Variants in UTP25 observed in about 807,000 individuals in gnomAD.
UTP25 encodes U3 small nucleolar RNA-associated protein 25 homolog.
In UTP25, 50 loss-of-function variants were observed where a neutral mutation model predicts 78.9. The ratio of observed to expected loss-of-function variants is 0.63; its 90% CI spans 0.50 to 0.80. UTP25 has a LOEUF of 0.80. Among genes scored for constraint, UTP25 ranks in the 30% least tolerant of loss-of-function variants. The pLI is 0.00. For synonymous variants in UTP25, 329 were observed against 336.5 expected (o/e 0.98, Z 0.24); for missense variants, 846 against 911.3 (o/e 0.93, Z 0.92).
chr1:209,833,311 T>C lies in UTP25; in HGVS notation c.515T>C (p.Phe172Ser). 1 of 1,594,544 alleles carries C rather than the reference T, an allele frequency of 6.3e-7. No homozygotes were observed. Among genetic ancestry groups the C allele is most frequent in the Non-Finnish European group, 8.5e-7 (1 of 1,173,218 alleles). The change falls in exon 4 of 12, where the codon TTT becomes TCT. Residue 172 changes from phenylalanine to serine, a missense_variant. Phe to Ser is a radical substitution (Grantham distance 155). Transcript: ENST00000491415. Reference protein sequence around the residue: ...HESLFSLETNFLEEESGDNSS... With the variant: ...HESLFSLETNSLEEESGDNSS... Reference sequence around the variant, plus strand: ...TCACTGTTCAGCCTGGAAACCAATTTTCTGGAAGAGGAAAGTGGAGACAAC... The same window carrying C: ...TCACTGTTCAGCCTGGAAACCAATTCTCTGGAAGAGGAAAGTGGAGACAAC...
chr1:209,837,067 CCG>C lies in UTP25; in HGVS notation c.920_921del (p.Arg307ProfsTer23). 6.2e-7 allele frequency: 1 copy of C among 1,614,146 alleles called. No individual in the cohort carries two copies. Among genetic ancestry groups the C allele is most frequent in the Non-Finnish European group, 8.5e-7 (1 of 1,180,008 alleles). ...RTALKNGEEI[R>X]HVYCLHVINH... is the part of the protein sequence containing the mutation. Reference sequence around the variant, plus strand: ...CTGCTCTGAAGAACGGGGAAGAGATCCGCCATGTGTATTGCCTGCATGTGATA... The same window carrying C: ...CTGCTCTGAAGAACGGGGAAGAGATCCCATGTGTATTGCCTGCATGTGATA... On this transcript the variant is annotated frameshift_variant, in exon 6 of 12. Coordinates refer to ENST00000491415, the MANE Select transcript of UTP25 (RefSeq NM_014388.7). LOFTEE classifies it high-confidence loss of function.
chr1:209,833,437 T>C, intron 4 of UTP25, 79 bp downstream of exon 4: 1 of 1,256,360 alleles, frequency 8.0e-7, no homozygotes, highest in South Asian at 1.8e-5. Flanking sequence ...TTGAATCTAT[T>C]ATTGGAACAA....
intron 6 of UTP25, among the ~76,000 whole-genome samples, chr1:209,838,386 A>T (rs1431597557): frequency 1.0e-5 from 1 of 97,482 alleles, no homozygotes; most frequent in African/African-American, 4.2e-5. Context: ...GAAATGCTTT[A>T]TTGTCATTTC....
intron 4 of UTP25, among the ~76,000 whole-genome samples, chr1:209,834,732 T>C (rs549121781): frequency 1.9e-4 from 29 of 152,220 alleles, no homozygotes; most frequent in Non-Finnish European, 3.2e-4. Context: ...GAATTTTTAG[T>C]TGAAGGAAGG....
chr1:209,839,150 T>G (rs781329876), intron 7 of UTP25, 22 bp downstream of exon 7: 1 of 1,586,330 alleles, frequency 6.3e-7, no homozygotes. Flanking sequence ...TTATCAACTT[T>G]GAGACCTAAA....
rs1439045925 is a variant in UTP25 at position 209,847,653 on chromosome 1, T to C, written c.2028-3551T>C. On this transcript the variant is annotated intron_variant, in intron 11 of 11. Coordinates refer to ENST00000491415, the MANE Select transcript of UTP25 (RefSeq NM_014388.7). ...GCCAAAAAGGATTCAGTAAGGATCATATATAGCATTTGGTTAACTTACTGC... is the reference window on the plus strand; with the variant it reads ...GCCAAAAAGGATTCAGTAAGGATCACATATAGCATTTGGTTAACTTACTGC... Among the ~76,000 whole-genome samples the C allele has an allele frequency of 3.3e-5, 5 of 152,370 alleles. No homozygotes were observed. The South Asian group carries it at 6.2e-4, about 19-fold the overall frequency.
At position 209,836,961 on chromosome 1, in the gene UTP25, C is replaced by A; in HGVS notation, c.812C>A (p.Ser271Ter). 1 of 1,614,164 alleles carries A rather than the reference C, an allele frequency of 6.2e-7. No individual in the cohort carries two copies. Among genetic ancestry groups the A allele is most frequent in the Admixed American group, 1.7e-5 (1 of 60,018 alleles). Residue 271 changes from serine (S) to a stop codon, truncating the protein, a stop_gained, in exon 6 of 12, where the codon TCA becomes TAA. Transcript: ENST00000491415. LOFTEE classifies it high-confidence loss of function. The part of the protein sequence containing the change: ...NSQFLSGPQK[S>*]SSPFTPLQKE... ...CAGTTCCTATCTGGTCCCCAAAAAT[C>A]AAGCAGCCCATTCACCCCCCTCCAG... is the stretch of plus-strand genomic sequence containing the variant.
Position 209,843,497 on chromosome 1 carries a change from G to C in UTP25, c.1828G>C (p.Val610Leu). 6.2e-7 allele frequency: 1 copy of C among 1,614,172 alleles called. No individual in the cohort carries two copies. Among genetic ancestry groups the C allele is most frequent in the Non-Finnish European group, 8.5e-7 (1 of 1,180,008 alleles). Residue 610 changes from valine (V) to leucine (L), a missense_variant, in exon 11 of 12, where the codon GTC becomes CTC. Val to Leu is a conservative substitution (Grantham distance 32). Coordinates refer to ENST00000491415, the MANE Select transcript of UTP25 (RefSeq NM_014388.7). Reference protein sequence around the residue: ...NKILPQYRDAVMSHTLIYIPS... With the variant: ...NKILPQYRDALMSHTLIYIPS... ...GATTTTGCCACAGTATCGTGATGCAGTCATGTCTCACACGCTCATCTATAT... is the reference window on the plus strand; with the variant it reads ...GATTTTGCCACAGTATCGTGATGCACTCATGTCTCACACGCTCATCTATAT...
At chr1:209,849,129 C>T (rs974390255) in intron 11 of UTP25, among the ~76,000 whole-genome samples, 9 of 152,020 alleles carry the variant, frequency 5.9e-5, no homozygotes, top group African/African-American at 9.7e-5. Context: ...GGCATGAAGT[C>T]GGGGGGAGGG....
rs747475304 is a variant in UTP25, at chr1:209,855,066, G to T, written c.*3619G>T. The T allele has an allele frequency of 2.0e-5, 3 of 152,204 alleles. No homozygotes were observed. Among genetic ancestry groups the T allele is most frequent in the Non-Finnish European group, 4.4e-5 (3 of 68,038 alleles). 9.4% of individuals were successfully genotyped at this position (152,204 alleles called of 1,614,324 possible). A position where few individuals can be genotyped will look rare whatever the true frequency, so the allele number is the denominator to read the frequency against. ...TTTAATTAGAGTCAATGAATGGGGA[G>T]TAAATACACAGATAATCCAAAATTG... On this transcript the variant is annotated 3_prime_UTR_variant, in exon 12 of 12. Coordinates refer to ENST00000491415, the MANE Select transcript of UTP25 (RefSeq NM_014388.7).
chr1:209,836,711 T>A, intron 5 of UTP25, 90 bp from the exon 6 acceptor site: 1 of 1,368,698 alleles, frequency 7.3e-7, no homozygotes, highest in Non-Finnish European at 9.9e-7. Context: ...GATCTATAAA[T>A]CATGAAAAAA....
rs779791957 is a variant in UTP25, at chr1:209,828,036, G to C, written c.-28G>C. Reference sequence around the variant, plus strand: ...TTCCTGGTGGAAAACCGCGACTCTTGCAAGTGGGCAAACTTGACGTTTTCG... The same window carrying C: ...TTCCTGGTGGAAAACCGCGACTCTTCCAAGTGGGCAAACTTGACGTTTTCG... On this transcript the variant is annotated 5_prime_UTR_variant, in exon 1 of 12. Coordinates refer to ENST00000491415, the MANE Select transcript of UTP25 (RefSeq NM_014388.7). The C allele has an allele frequency of 1.2e-5, 19 of 1,591,246 alleles. No homozygotes were observed. The Admixed American group carries it at 2.2e-4, about 18-fold the overall frequency.
chr1:209,839,222 C>T (rs1558054051), intron 7 of UTP25, 94 bp downstream of exon 7: 1 of 1,120,430 alleles, frequency 8.9e-7, no homozygotes, highest in Non-Finnish European at 1.3e-6. Context: ...CAGTGGATCA[C>T]TCACTGTGCC....
Position 209,848,707 on chromosome 1 carries a change from T to C in UTP25, c.2028-2497T>C, listed in dbSNP as rs565867011. Among the ~76,000 whole-genome samples, 12 of 152,336 alleles carry C rather than the reference T, an allele frequency of 7.9e-5. No homozygotes were observed. In the East Asian group the frequency reaches 2.3e-3, roughly 29 times the overall value. On this transcript the variant is annotated intron_variant, in intron 11 of 11. Coordinates refer to ENST00000491415, the MANE Select transcript of UTP25 (RefSeq NM_014388.7). ...AAGTAATTTATGCTCCATTCACCTA[T>C]TTCTCCAAAGCTCCATAGACTGAAT...
intron 10 of UTP25, 182 bp from the exon 11 acceptor site, chr1:209,843,269 T>G: frequency 1.5e-6 from 1 of 688,218 alleles, no homozygotes; most frequent in Non-Finnish European, 2.4e-6. Context: ...TGACACTTAT[T>G]TTTTTAGTGT....
rs749617406 is a variant in UTP25, at chr1:209,828,132, T to G, written c.69T>G (p.His23Gln). 3 of 1,614,068 alleles carry G rather than the reference T, an allele frequency of 1.9e-6. No homozygotes were observed. The highest frequency in any genetic ancestry group is 2.5e-6 in the Non-Finnish European group (3 of 1,180,000). Residue 23 changes from histidine (H) to glutamine (Q), a missense_variant, in exon 1 of 12, where the codon CAT becomes CAG. His to Gln is a conservative substitution (Grantham distance 24). Transcript: ENST00000491415. ...CCCTAACTAAAAAGCAGAAGAAACA[T>G]CTTCGAGATTTCGGCGAGGAGCATC... ...LNTLTKKQKK[H>Q]LRDFGEEHPF...
chr1:209,828,579 T>G (rs2078083960), intron 1 of UTP25, among the ~76,000 whole-genome samples: 1 of 148,716 alleles, frequency 6.7e-6, no homozygotes, highest in South Asian at 2.1e-4. Flanking sequence ...ATTTTTTGTA[T>G]TTTTAGTAGA....
intron 8 of UTP25, among the ~76,000 whole-genome samples, chr1:209,841,538 T>C (rs182647772): frequency 6.6e-6 from 1 of 152,330 alleles, no homozygotes; most frequent in Non-Finnish European, 1.5e-5. Context: ...TATTACCCGA[T>C]GTAATTTGTA....
At chr1:209,835,264 G>A in intron 5 of UTP25, 101 bp downstream of exon 5, 1 of 928,924 alleles carries the variant, frequency 1.1e-6, no homozygotes, top group Non-Finnish European at 1.7e-6. Context: ...ATATACACCT[G>A]CAGTAGATGG....
Sources: gnomAD v4.1 joint callset for allele counts (sites outside exome capture counted in the v4.1 genomes callset) on GRCh38, gnomAD v4.1.1 for gene constraint, MANE v1.5 for transcripts, NCBI Gene and HGNC (gene_info 2026-07-23, HGNC 2026-07-21) for gene names.